Variants in CADM2 observed in about 807,000 individuals in gnomAD.
The protein encoded by CADM2 is immunoglobulin superfamily member 4D.
In CADM2, 12 loss-of-function variants were observed where a neutral mutation model predicts 49.8. The ratio of observed to expected loss-of-function variants is 0.24; its 90% CI spans 0.15 to 0.39. The LOEUF (loss-of-function observed/expected upper bound fraction) is 0.39. Among genes scored for constraint, CADM2 ranks in the 10% least tolerant of loss-of-function variants. The pLI is 1.00. For missense variants in CADM2, 378 were observed against 492.3 expected, an observed-to-expected ratio of 0.77 and a Z score of 2.20; for synonymous variants, 214 against 175.4, an observed-to-expected ratio of 1.22 and a Z score of -1.74.
chr3:85,545,337 T>C (rs2061645546), intron 1 of CADM2, among the ~76,000 whole-genome samples: 2 of 152,198 alleles, frequency 1.3e-5, no homozygotes, highest in Non-Finnish European at 2.9e-5. Flanking sequence ...GTTATGTGTA[T>C]TCCACACACA....
At chr3:85,208,874 T>C (rs1359465803) in intron 1 of CADM2, among the ~76,000 whole-genome samples, 1 of 152,120 alleles carries the variant, frequency 6.6e-6, no homozygotes, top group Non-Finnish European at 1.5e-5. Context: ...CTGATGTCAC[T>C]CCAGATAAGA....
chr3:86,015,245 G>A (rs779740982), intron 8 of CADM2: 1 of 229,110 alleles, frequency 4.4e-6, no homozygotes, highest in Non-Finnish European at 8.4e-6. Flanking sequence ...ATTAGCCATT[G>A]ATAATGTACC....
chr3:85,357,100 G>T (rs1364945536), intron 1 of CADM2, among the ~76,000 whole-genome samples: 2 of 152,074 alleles, frequency 1.3e-5, no homozygotes, highest in East Asian at 3.9e-4. Context: ...ATAAAAACTA[G>T]TCTATTATTT....
chr3:85,585,310 G>A (rs4508797), intron 1 of CADM2, among the ~76,000 whole-genome samples: 46,454 of 151,426 alleles, frequency 0.31, 8,103 homozygotes, highest in East Asian at 0.55. Context: ...TATTGATGCT[G>A]GCAATTCAGA....
chr3:85,512,963 A>G (rs1482722531), intron 1 of CADM2, among the ~76,000 whole-genome samples: 1 of 152,094 alleles, frequency 6.6e-6, no homozygotes, highest in Non-Finnish European at 1.5e-5. Flanking sequence ...CTAGTTTTGC[A>G]TTCACAACTT....
At chr3:86,014,613 A>G (rs1325264604) in intron 8 of CADM2, 2 of 1,598,204 alleles carry the variant, frequency 1.3e-6, no homozygotes, top group Non-Finnish European at 1.7e-6. Context: ...ACTTAAAGAT[A>G]TATTCTTAGA....
intron 1 of CADM2, among the ~76,000 whole-genome samples, chr3:85,036,780 A>G (rs551125508): frequency 2.0e-5 from 3 of 152,216 alleles, no homozygotes; most frequent in Non-Finnish European, 4.4e-5. Context: ...AGGGGTAAGT[A>G]ATTTAAGAAA....
At chr3:85,155,658 C>G (rs1404294686) in intron 1 of CADM2, among the ~76,000 whole-genome samples, 2 of 151,964 alleles carry the variant, frequency 1.3e-5, no homozygotes, top group African/African-American at 4.8e-5. Context: ...CACCACACCA[C>G]ACCTATTCCA....
At chr3:85,729,859 AACTTG>A (rs1289981036) in intron 2 of CADM2, among the ~76,000 whole-genome samples, 10 of 152,192 alleles carry the variant, frequency 6.6e-5, no homozygotes, top group South Asian at 6.2e-4. Context: ...CACTTTTCTG[AACTTG>A]ACTTAACTGT....
intron 1 of CADM2, among the ~76,000 whole-genome samples, chr3:85,465,933 T>C (rs995650221): frequency 1.3e-5 from 2 of 152,194 alleles, no homozygotes; most frequent in Non-Finnish European, 2.9e-5. Flanking sequence ...AAAGAATTGC[T>C]ATCATATGAA....
At chr3:85,664,937 C>T (rs1327636241) in intron 1 of CADM2, among the ~76,000 whole-genome samples, 2 of 151,992 alleles carry the variant, frequency 1.3e-5, no homozygotes, top group East Asian at 3.9e-4. Context: ...AATTTACTCA[C>T]TTTAATTTTG....
At chr3:85,765,241 C>T (rs2069599330) in intron 2 of CADM2, among the ~76,000 whole-genome samples, 1 of 152,008 alleles carries the variant, frequency 6.6e-6, no homozygotes, top group African/African-American at 2.4e-5. Context: ...GACAGAAGCC[C>T]TTTGCTTCTT....
chr3:85,932,820 A>G (rs1294888943), intron 6 of CADM2, among the ~76,000 whole-genome samples: 2 of 152,202 alleles, frequency 1.3e-5, no homozygotes, highest in Non-Finnish European at 2.9e-5. Flanking sequence ...GAAGTCAAAT[A>G]AATGAATACT....
At chr3:85,207,166 A>G (rs2041665023) in intron 1 of CADM2, among the ~76,000 whole-genome samples, 1 of 152,072 alleles carries the variant, frequency 6.6e-6, no homozygotes, top group African/African-American at 2.4e-5. Context: ...TGCGTGAAAC[A>G]TGTTTTAATG....
In CADM2 at chr3:85,961,604, C is replaced by T. The variant is rs541720970; in HGVS notation, c.927C>T (p.Asn309=). 6.2e-7 allele frequency: 1 copy of T among 1,604,484 alleles called. No individual in the cohort carries two copies. Among genetic ancestry groups the T allele is most frequent in the African/African-American group, 1.3e-5 (1 of 74,798 alleles). ...GTACATATCGATGTGAAGCCACAAACACCATTGGCCAAAGCAGTGCGGAAT... is the reference window on the plus strand; with the variant it reads ...GTACATATCGATGTGAAGCCACAAATACCATTGGCCAAAGCAGTGCGGAAT... ...DNGTYRCEAT[N]TIGQSSAEYV... The change falls in exon 8 of 10, where the codon AAC becomes AAT. Residue 309 remains asparagine, a synonymous_variant. Transcript: ENST00000383699.
intron 1 of CADM2, among the ~76,000 whole-genome samples, chr3:85,484,010 T>C (rs1455893371): frequency 6.6e-6 from 1 of 151,876 alleles, no homozygotes; most frequent in Admixed American, 6.6e-5. Flanking sequence ...TGAGGGTTTT[T>C]TTCTTCCTTC....
At chr3:85,125,691 C>A (rs904451325) in intron 1 of CADM2, among the ~76,000 whole-genome samples, 1 of 152,194 alleles carries the variant, frequency 6.6e-6, no homozygotes, top group Non-Finnish European at 1.5e-5. Flanking sequence ...AGTTGCCTTA[C>A]TTAGACAATT....
intron 6 of CADM2, among the ~76,000 whole-genome samples, chr3:85,923,886 A>G (rs979430410): frequency 6.6e-6 from 1 of 152,244 alleles, no homozygotes; most frequent in Non-Finnish European, 1.5e-5. Flanking sequence ...TTAAATTTAA[A>G]TAGCCACATG....
At chr3:85,870,223 AACTT>A (rs2075873175) in intron 3 of CADM2, among the ~76,000 whole-genome samples, 1 of 151,782 alleles carries the variant, frequency 6.6e-6, no homozygotes. Context: ...TGGGCTAACT[AACTT>A]TTTGTTGTTG....
Sources: gnomAD v4.1 joint callset for allele counts (sites outside exome capture counted in the v4.1 genomes callset) on GRCh38, gnomAD v4.1.1 for gene constraint, MANE v1.5 for transcripts, NCBI Gene and HGNC (gene_info 2026-07-23, HGNC 2026-07-21) for gene names.